The following GDA variants were observed in gnomAD, a reference collection of about 807,000 sequenced individuals.
GDA encodes cytoplasmic PSD-95 interactor.
GDA carries 18 observed loss-of-function variants against 59.6 expected under a neutral mutation model. That is an observed-to-expected ratio of 0.30 (90% CI 0.21 to 0.45). The LOEUF (loss-of-function observed/expected upper bound fraction) is 0.45, where lower values mean the gene tolerates loss of function less well. Ranked by LOEUF, GDA falls within the 20% of genes least tolerant of loss-of-function variation. The pLI, the probability that GDA is intolerant of heterozygous loss-of-function variation, is 1.00. For missense variants in GDA, 427 were observed against 552.3 expected, an observed-to-expected ratio of 0.77 and a Z score of 2.27; for synonymous variants, 201 against 201.1, an observed-to-expected ratio of 1.00 and a Z score of 0.00.
chr9:72,121,038 G>GGCGTTTCAATA (rs1202031215), intron 1 of GDA, among the ~76,000 whole-genome samples: 1 of 152,056 alleles, frequency 6.6e-6, no homozygotes, highest in Non-Finnish European at 1.5e-5. Flanking sequence ...TTCAACCACA[G>GGCGTTTCAATA]GCGTTTCAAT....
At chr9:72,133,876 AG>A (rs781411277) in intron 1 of GDA, among the ~76,000 whole-genome samples, 5 of 152,188 alleles carry the variant, frequency 3.3e-5, no homozygotes, top group Non-Finnish European at 5.9e-5. Context: ...ACCTATCCCC[AG>A]TCCTATTATA....
Position 72,149,763 on chromosome 9 carries a change from C to A in GDA, c.123+81C>A, listed in dbSNP as rs528771318. 24 of 1,418,346 alleles carry A rather than the reference C, an allele frequency of 1.7e-5. No individual in the cohort carries two copies. The South Asian group carries it at 2.7e-4, about 16-fold the overall frequency. 87.9% of individuals were successfully genotyped at this position (1,418,346 alleles called of 1,614,324 possible). A position where few individuals can be genotyped will look rare whatever the true frequency, so the allele number is the denominator to read the frequency against. On this transcript the variant is annotated intron_variant, in intron 1 of 13. Transcript: ENST00000358399. ...ACCTGGCGCGGTGCTTCGCGTAGCC[C>A]GGGGTTCGCTCGGTGCGCAGTGAGC...
At chr9:72,157,030 CTTTTTTTTTTTTTT>C (rs544126638) in intron 1 of GDA, among the ~76,000 whole-genome samples, 31 of 104,092 alleles carry the variant, frequency 3.0e-4, no homozygotes, top group South Asian at 8.9e-4. Flanking sequence ...TCTAGACTTC[CTTTTTTTTTTTTTT>C]TTTTTTTTTT....
chr9:72,114,652 G>C (rs1825374604), exon 1 of GDA: 1 of 151,730 alleles, frequency 6.6e-6, no homozygotes, highest in Non-Finnish European at 1.5e-5. Context: ...TACAACGCCC[G>C]GCTAATTTTT....
rs746792585 is a variant in GDA, at chr9:72,227,925, G to C, written c.823-18G>C. The C allele has an allele frequency of 1.5e-6, 2 of 1,371,138 alleles. No homozygotes were observed. The highest frequency in any genetic ancestry group is 2.1e-6 in the Non-Finnish European group (2 of 960,644). 84.9% of individuals were successfully genotyped at this position (1,371,138 alleles called of 1,614,324 possible). A position where few individuals can be genotyped will look rare whatever the true frequency, so the allele number is the denominator to read the frequency against. Reference sequence around the variant, plus strand: ...ATTTGTGAGCGGTAAACTCCACGTAGGGCACTCTTCTCTCCAGACAGTGAT... The same window carrying C: ...ATTTGTGAGCGGTAAACTCCACGTACGGCACTCTTCTCTCCAGACAGTGAT... On this transcript the variant is annotated intron_variant, in intron 8 of 13. Coordinates refer to ENST00000358399, the MANE Select transcript of GDA (RefSeq NM_004293.5).
intron 11 of GDA, among the ~76,000 whole-genome samples, chr9:72,241,784 T>G (rs1218232951): frequency 6.6e-6 from 1 of 152,056 alleles, no homozygotes; most frequent in East Asian, 1.9e-4. Context: ...TTCTGGCTAC[T>G]TGGGAGGCTG....
rs1199763349 is a variant in GDA, at chr9:72,142,297, G to A, written c.-100+27464G>A. On this transcript the variant is annotated intron_variant, in intron 1 of 13. Transcript: ENST00000545168. ...TAAGGTATGTAAGTAGCAGGAATAA[G>A]GAAATGAATCCTTGGGAATAAAGAA... Among the ~76,000 whole-genome samples the A allele has an allele frequency of 2.6e-5, 4 of 152,226 alleles. No individual in the cohort carries two copies. In the East Asian group the frequency reaches 5.8e-4, roughly 22 times the overall value.
chr9:72,210,616 G>C, intron 3 of GDA, 71 bp from the exon 4 acceptor site: 1 of 818,778 alleles, frequency 1.2e-6, no homozygotes, highest in Non-Finnish European at 2.1e-6. Flanking sequence ...CTAAAATTCT[G>C]TTTTCCTCTG....
At chr9:72,131,625 G>A (rs1053023422) in intron 1 of GDA, among the ~76,000 whole-genome samples, 5 of 149,566 alleles carry the variant, frequency 3.3e-5, no homozygotes, top group Non-Finnish European at 7.4e-5. Context: ...TTTATGGAGG[G>A]CTAGAAACAC....
intron 5 of GDA, among the ~76,000 whole-genome samples, chr9:72,217,043 G>A (rs1292435044): frequency 6.6e-6 from 1 of 152,140 alleles, no homozygotes; most frequent in Non-Finnish European, 1.5e-5. Flanking sequence ...CAAAAACTAG[G>A]TTATGATGGT....
At chr9:72,180,606 A>T (rs1037681563) in intron 1 of GDA, among the ~76,000 whole-genome samples, 8 of 152,144 alleles carry the variant, frequency 5.3e-5, no homozygotes, top group African/African-American at 1.9e-4. Flanking sequence ...CAGCTGCTGA[A>T]ATTATTTGCT....
At chr9:72,200,098 C>T (rs974207554) in intron 2 of GDA, among the ~76,000 whole-genome samples, 5 of 150,374 alleles carry the variant, frequency 3.3e-5, no homozygotes, top group South Asian at 2.1e-4. Flanking sequence ...CCCGTGTTCA[C>T]GCCATTCTCC....
At chr9:72,183,468 G>A (rs765928554) in intron 1 of GDA, among the ~76,000 whole-genome samples, 27 of 151,990 alleles carry the variant, frequency 1.8e-4, no homozygotes, top group Non-Finnish European at 3.8e-4. Flanking sequence ...GAAGGAAAAG[G>A]AAAGGAAAGG....
chr9:72,225,629 AAT>A, intron 7 of GDA, 46 bp from the exon 8 acceptor site: 1 of 888,746 alleles, frequency 1.1e-6, no homozygotes, highest in Non-Finnish European at 1.8e-6. Context: ...TGTAATTTCT[AAT>A]GGTATTTTAC....
At chr9:72,194,647 T>A (rs1832937544) in intron 1 of GDA, among the ~76,000 whole-genome samples, 1 of 152,100 alleles carries the variant, frequency 6.6e-6, no homozygotes, top group Non-Finnish European at 1.5e-5. Context: ...GTTCCCCCCC[T>A]TCCCGGCCCA....
At chr9:72,136,990 AAACAAC>A (rs143720929) in intron 1 of GDA, among the ~76,000 whole-genome samples, 4 of 151,460 alleles carry the variant, frequency 2.6e-5, no homozygotes, top group African/African-American at 7.3e-5. Flanking sequence ...CTCAAAAAGA[AAACAAC>A]AACAACAACA....
At chr9:72,117,448 A>G (rs1270609356) in intron 1 of GDA, among the ~76,000 whole-genome samples, 1 of 152,184 alleles carries the variant, frequency 6.6e-6, no homozygotes, top group Non-Finnish European at 1.5e-5. Flanking sequence ...GAAGAGACTG[A>G]ATTCAGAGAG....
intron 1 of GDA, among the ~76,000 whole-genome samples, chr9:72,153,870 G>A (rs1305210345): frequency 6.8e-6 from 1 of 147,706 alleles, no homozygotes; most frequent in Non-Finnish European, 1.5e-5. Flanking sequence ...GCTAAATGAC[G>A]AGTTAATGGG....
intron 1 of GDA, among the ~76,000 whole-genome samples, chr9:72,140,952 G>C (rs1443732447): frequency 1.3e-5 from 2 of 152,122 alleles, no homozygotes; most frequent in Non-Finnish European, 2.9e-5. Context: ...GAGGTTTTCT[G>C]TCACTTTCAG....
Sources: gnomAD v4.1 joint callset for allele counts (sites outside exome capture counted in the v4.1 genomes callset) on GRCh38, gnomAD v4.1.1 for gene constraint, MANE v1.5 for transcripts, NCBI Gene and HGNC (gene_info 2026-07-23, HGNC 2026-07-21) for gene names.